FOCAD: variants seen among roughly 807,000 people sequenced by gnomAD.
The protein encoded by FOCAD is KIAA1797.
In FOCAD, 198 loss-of-function variants were observed where a neutral mutation model predicts 225.6. The ratio of observed to expected loss-of-function variants is 0.88; its 90% CI spans 0.78 to 0.99. The LOEUF (loss-of-function observed/expected upper bound fraction) is 0.99, where lower values mean the gene tolerates loss of function less well. FOCAD is among the 50% of genes least tolerant of loss of function. The pLI is 0.00. For missense variants in FOCAD, 2,713 were observed against 2,123.6 expected (o/e 1.28, Z -5.46); for synonymous variants, 897 against 755.0 (o/e 1.19, Z -3.08).
Position 20,944,772 on chromosome 9 carries a change from G to C in FOCAD, c.3553G>C (p.Glu1185Gln), listed in dbSNP as rs1837020307. 6.2e-7 allele frequency: 1 copy of C among 1,610,568 alleles called. No homozygotes were observed. Among genetic ancestry groups the C allele is most frequent in the Non-Finnish European group, 8.5e-7 (1 of 1,177,568 alleles). Residue 1185 changes from glutamate to glutamine, a missense_variant and splice_region_variant, in exon 29 of 44, where the codon GAG becomes CAG. Glu to Gln is a conservative substitution (Grantham distance 29, BLOSUM62 2). Coordinates refer to ENST00000338382, the MANE Select transcript of FOCAD (RefSeq NM_001375567.1). ...CGGGAGCCAGAGCAGAACGTTTCAG[G>C]AGGTAAGAGATGGAGGCTACATTTT... ...DSGSQSRTFQ[E>Q]VLAYTLSCVC...
At chr9:20,801,979 C>G (rs539186517) in intron 11 of FOCAD, among the ~76,000 whole-genome samples, 49 of 152,194 alleles carry the variant, frequency 3.2e-4, no homozygotes, top group African/African-American at 1.2e-3. Flanking sequence ...CAATTTTGAG[C>G]TTTTCACGAT....
chr9:20,967,169 C>G (rs1338222716), intron 35 of FOCAD, among the ~76,000 whole-genome samples: 1 of 151,988 alleles, frequency 6.6e-6, no homozygotes, highest in African/African-American at 2.4e-5. Flanking sequence ...AGATGTCTTT[C>G]TATTTATTTA....
intron 28 of FOCAD, among the ~76,000 whole-genome samples, chr9:20,936,924 T>C (rs1031464517): frequency 2.0e-5 from 3 of 152,200 alleles, no homozygotes; most frequent in Non-Finnish European, 4.4e-5. Flanking sequence ...AACATTTTTA[T>C]ACATCAATAA....
intron 42 of FOCAD, among the ~76,000 whole-genome samples, chr9:20,992,537 TA>T (rs1387674186): frequency 2.6e-5 from 4 of 152,164 alleles, no homozygotes; most frequent in Non-Finnish European, 4.4e-5. Flanking sequence ...GTTCAAATCT[TA>T]ACTCGGCTAT....
In FOCAD at chr9:20,982,384, A is replaced by G. The variant is rs747050857; in HGVS notation, c.4666A>G (p.Ile1556Val). The change falls in exon 39 of 44, where the codon ATA becomes GTA. Residue 1556 changes from isoleucine to valine, a missense_variant. Physicochemically the swap from Ile to Val is conservative, Grantham distance 29 (BLOSUM62 3). Transcript: ENST00000338382. ...AAAGGATCTAGAGCTGTATATCAGCATAGCAAAATGCCTCTTAGAAATGAC... is the reference window on the plus strand; with the variant it reads ...AAAGGATCTAGAGCTGTATATCAGCGTAGCAAAATGCCTCTTAGAAATGAC... ...RRKDLELYIS[I>V]AKCLLEMTDD... 1.2e-6 allele frequency: 2 copies of G among 1,613,890 alleles called. No homozygotes were observed. Among genetic ancestry groups the G allele is most frequent in the South Asian group, 2.2e-5 (2 of 91,074 alleles).
Position 20,902,890 on chromosome 9 carries a change from G to C in FOCAD, c.2626-4260G>C, listed in dbSNP as rs145226711. On this transcript the variant is annotated intron_variant, in intron 21 of 43. Transcript: ENST00000338382. ...TCGAATGATGATGACAAAGAAGTGTGCAAAGTCTAATAGATGGTGAGAGGT... is the reference window on the plus strand; with the variant it reads ...TCGAATGATGATGACAAAGAAGTGTCCAAAGTCTAATAGATGGTGAGAGGT... 2.7e-3 allele frequency among the ~76,000 whole-genome samples: 406 copies of C among 152,012 alleles called. 3 individuals carry two copies. The highest frequency in any genetic ancestry group is 8.8e-3 in the African/African-American group (367 of 41,526).
At position 20,978,244 on chromosome 9, in the gene FOCAD, C is replaced by T. The variant is rs552033093; in HGVS notation, c.4262-95C>T. Reference sequence around the variant, plus strand: ...CTGAAGTTCTGTTACCTGCAAAAGTCACATAAGCAGATGCTTTGATTTGAG... The same window carrying T: ...CTGAAGTTCTGTTACCTGCAAAAGTTACATAAGCAGATGCTTTGATTTGAG... On this transcript the variant is annotated intron_variant, in intron 36 of 43. Transcript: ENST00000338382. 6 of 719,214 alleles carry T rather than the reference C, an allele frequency of 8.3e-6. No individual in the cohort carries two copies. The African/African-American group carries it at 1.1e-4, about 13-fold the overall frequency. 44.6% of individuals were successfully genotyped at this position (719,214 alleles called of 1,614,324 possible).
chr9:20,745,847 A>C (rs1470187704), intron 5 of FOCAD, among the ~76,000 whole-genome samples: 1 of 152,222 alleles, frequency 6.6e-6, no homozygotes, highest in African/African-American at 2.4e-5. Flanking sequence ...TCGGAAGTGG[A>C]CAATTAGGCC....
chr9:20,929,714 T>C (rs1835289387), intron 27 of FOCAD, 118 bp downstream of exon 27: 2 of 761,038 alleles, frequency 2.6e-6, no homozygotes, highest in Non-Finnish European at 4.3e-6. Flanking sequence ...TGCTAAACTT[T>C]CTGAGATGGG....
chr9:20,990,255 C>A lies in FOCAD; in HGVS notation c.5137C>A (p.Pro1713Thr), dbSNP rs781026912. ...GGAGAATGGCCCGGCTGGGCCAGTACCAAGCTTCCTTGGCAGGAGTCCAAT... is the reference window on the plus strand; with the variant it reads ...GGAGAATGGCCCGGCTGGGCCAGTAACAAGCTTCCTTGGCAGGAGTCCAAT... ...HQENGPAGPV[P>T]SFLGRSPMHR... Residue 1713 changes from proline (P) to threonine (T), a missense_variant, in exon 42 of 44, where the codon CCA becomes ACA. Coordinates refer to ENST00000338382, the MANE Select transcript of FOCAD (RefSeq NM_001375567.1). 1.4e-5 allele frequency: 23 copies of A among 1,614,066 alleles called. No homozygotes were observed. The highest frequency in any genetic ancestry group is 3.3e-5 in the Admixed American group (2 of 60,014).
At position 20,948,290 on chromosome 9, in the gene FOCAD, C is replaced by T. The variant is rs371639137; in HGVS notation, c.3695C>T (p.Ala1232Val). ...TATCAGACTTCAGGTTTTGCCCTGG[C>T]TTTAGGAAACATAGTTCATGGATTG... Reference protein sequence around the residue: ...NSQQTSGFALALGNIVHGLSV... With the variant: ...NSQQTSGFALVLGNIVHGLSV... Residue 1232 changes from alanine (A) to valine (V), a missense_variant, in exon 31 of 44, where the codon GCT becomes GTT. Physicochemically the swap from Ala to Val is moderately conservative, Grantham distance 64. Transcript: ENST00000338382. 1.9e-6 allele frequency: 3 copies of T among 1,609,122 alleles called. No homozygotes were observed. The highest frequency in any genetic ancestry group is 1.1e-5 in the South Asian group (1 of 90,520).
chr9:20,737,224 C>G (rs1827220454), intron 4 of FOCAD, among the ~76,000 whole-genome samples: 1 of 152,126 alleles, frequency 6.6e-6, no homozygotes, highest in African/African-American at 2.4e-5. Flanking sequence ...TTGTGAATCC[C>G]TTGGAATTAA....
chr9:20,875,945 T>G (rs1292699058), intron 19 of FOCAD: 1 of 152,114 alleles, frequency 6.6e-6, no homozygotes, highest in African/African-American at 2.4e-5. Context: ...TGAAGTTCAA[T>G]CAAAACAAGA....
chr9:20,753,219 G>T (rs913193318), intron 5 of FOCAD, among the ~76,000 whole-genome samples: 1 of 151,296 alleles, frequency 6.6e-6, no homozygotes, highest in Non-Finnish European at 1.5e-5. Flanking sequence ...GGTGAGAGAG[G>T]GCATCCCTGT....
rs192823586 is a variant in FOCAD, at chr9:20,972,354, C to T, written c.4133-4066C>T. ...GGTTCTAATAGGTATAGGCTGATAT[C>T]TCATTGTGGTTTTGATTTGGTTTGG... On this transcript the variant is annotated intron_variant, in intron 35 of 43. Coordinates refer to ENST00000338382, the MANE Select transcript of FOCAD (RefSeq NM_001375567.1). Among the ~76,000 whole-genome samples the T allele has an allele frequency of 3.8e-3, 574 of 152,158 alleles. 5 individuals are homozygous for T. Among genetic ancestry groups the T allele is most frequent in the African/African-American group, 0.013 (546 of 41,488 alleles).
chr9:20,727,690 G>GT (rs1826322398), intron 4 of FOCAD, among the ~76,000 whole-genome samples: 1 of 152,082 alleles, frequency 6.6e-6, no homozygotes, highest in South Asian at 2.1e-4. Flanking sequence ...TTTTTCTAGT[G>GT]TTTATCATTC....
chr9:20,686,382 C>G (rs1183591119), intron 1 of FOCAD, among the ~76,000 whole-genome samples: 1 of 152,176 alleles, frequency 6.6e-6, no homozygotes, highest in African/African-American at 2.4e-5. Context: ...GTCTCGAAAT[C>G]CTGACCTCAA....
chr9:20,956,168 T>G (rs1437947979), intron 35 of FOCAD, among the ~76,000 whole-genome samples: 1 of 152,222 alleles, frequency 6.6e-6, no homozygotes, highest in Non-Finnish European at 1.5e-5. Flanking sequence ...TCAGTCATTT[T>G]TGAACTATTA....
intron 2 of FOCAD, among the ~76,000 whole-genome samples, chr9:20,664,117 C>T (rs1013407548): frequency 6.6e-6 from 1 of 151,776 alleles, no homozygotes; most frequent in Non-Finnish European, 1.5e-5. Context: ...TCTGTTTTCT[C>T]CTCAAGATTC....
Sources: allele counts gnomAD v4.1 joint callset (sites outside exome capture counted in the v4.1 genomes callset), GRCh38; gene constraint gnomAD v4.1.1; transcripts MANE v1.5; gene names NCBI Gene and HGNC (gene_info 2026-07-23, HGNC 2026-07-21).